RADIL: variants seen among roughly 807,000 people sequenced by gnomAD.
The protein encoded by RADIL is Rap associating with DIL domain.
RADIL carries 99 observed loss-of-function variants against 97.6 expected under a neutral mutation model. The ratio of observed to expected loss-of-function variants is 1.01; its 90% confidence interval spans 0.86 to 1.20. RADIL has a LOEUF of 1.20. Ranked by LOEUF, RADIL falls within the 50% of genes most tolerant of loss-of-function variation. The pLI is 0.00. For synonymous variants in RADIL, 803 were observed against 691.8 expected, an observed-to-expected ratio of 1.16 and a Z score of -2.52; for missense variants, 1,765 against 1,498.9, an observed-to-expected ratio of 1.18 and a Z score of -2.93.
At chr7:4,865,856 T>TA in intron 2 of RADIL, 1 of 694,180 alleles carries the variant, frequency 1.4e-6, no homozygotes. Context: ...TGTGTTGAGA[T>TA]ATGTTTAGAC....
Position 4,817,257 on chromosome 7 carries a change from G to T in RADIL, c.1710C>A (p.Cys570Ter), listed in dbSNP as rs771644110. The T allele has an allele frequency of 6.2e-7, 1 of 1,612,164 alleles. No individual in the cohort carries two copies. The highest frequency in any genetic ancestry group is 1.1e-5 in the South Asian group (1 of 90,986). The change falls in exon 7 of 15, where the codon TGC (cysteine) becomes TGA (stop). Residue 570 changes from cysteine (C) to a stop codon, truncating the protein, a stop_gained. Transcript: ENST00000399583. LOFTEE classifies it high-confidence loss of function. This position sits in a 1 kb window ranked among gnomAD's most constrained non-coding sequence, Gnocchi z 8.3. ...EEVVLYAFQQCVYYVSKSLYI... is the reference protein window; with the variant it reads ...EEVVLYAFQQ ...CGTGCACCTTGGAGACATAGTAGAC[G>T]CACTGCTGGAAGGCGTACAGCACCA...
At chr7:4,875,252 G>C (rs577643702) in intron 2 of RADIL, among the ~76,000 whole-genome samples, 1 of 134,654 alleles carries the variant, frequency 7.4e-6, no homozygotes, top group African/African-American at 3.9e-5. Flanking sequence ...TTAGCCGGGC[G>C]TGGTGGTGGT....
At chr7:4,850,471 G>A (rs774860214) in intron 2 of RADIL, among the ~76,000 whole-genome samples, 2 of 152,198 alleles carry the variant, frequency 1.3e-5, no homozygotes, top group Non-Finnish European at 2.9e-5. Flanking sequence ...GAGGTTATTT[G>A]CTGGGCCGAA....
chr7:4,818,047 G>A lies in RADIL; in HGVS notation c.1616-696C>T, dbSNP rs562838919. The stretch of plus-strand genomic sequence containing the variant: ...AAGGGGCCAGGACCCTGGGTGTTCC[G>A]CCTTTGGGCGCCTTCATTCTCTCCT... On this transcript the variant is annotated intron_variant, in intron 6 of 14. Transcript: ENST00000399583. This position sits in a 1 kb window ranked among gnomAD's most constrained non-coding sequence, Gnocchi z 7.1. 2.8e-4 allele frequency among the ~76,000 whole-genome samples: 42 copies of A among 152,342 alleles called. No individual in the cohort carries two copies. Among genetic ancestry groups the A allele is most frequent in the African/African-American group, 1.0e-3 (42 of 41,588 alleles).
chr7:4,823,122 G>T (rs1420635409), intron 5 of RADIL, among the ~76,000 whole-genome samples: 1 of 152,072 alleles, frequency 6.6e-6, no homozygotes, highest in African/African-American at 2.4e-5. Flanking sequence ...GGGGTAGCAG[G>T]CAAAGCATGA....
chr7:4,832,946 C>T (rs928139804), intron 4 of RADIL, among the ~76,000 whole-genome samples: 2 of 152,122 alleles, frequency 1.3e-5, no homozygotes, highest in African/African-American at 4.8e-5. Flanking sequence ...CAGCACCCAG[C>T]GGAGGCTTCG....
At chr7:4,865,809 A>AG (rs1170476481) in intron 2 of RADIL, 1 of 798,492 alleles carries the variant, frequency 1.3e-6, no homozygotes, top group Admixed American at 1.8e-5. Context: ...CCATGGCAGC[A>AG]GCGGAGGCAG....
chr7:4,807,797 T>TCCCCTTCCTCCTCCGTCTCCTCC, intron 9 of RADIL, among the ~76,000 whole-genome samples: 1 of 56,150 alleles, frequency 1.8e-5, no homozygotes, highest in African/African-American at 8.1e-5. Context: ...CCGTCTCCTC[T>TCCCCTTCCTCCTCCGTCTCCTCC]CCCTCCCTCT....
intron 2 of RADIL, among the ~76,000 whole-genome samples, chr7:4,875,263 G>A (rs1784349328): frequency 8.3e-6 from 1 of 120,064 alleles, no homozygotes; most frequent in Non-Finnish European, 1.6e-5. Flanking sequence ...TGGTGGTGGT[G>A]CATGCCGTAA....
intron 12 of RADIL, among the ~76,000 whole-genome samples, chr7:4,800,922 C>A (rs1179655192): frequency 2.0e-5 from 3 of 152,232 alleles, no homozygotes; most frequent in Non-Finnish European, 4.4e-5. Context: ...ACACTTCGCT[C>A]CTGCAAGGCA....
chr7:4,800,236 A>C lies in RADIL; in HGVS notation c.2917T>G (p.Tyr973Asp). The C allele has an allele frequency of 6.3e-7, 1 of 1,599,536 alleles. No individual in the cohort carries two copies. Among genetic ancestry groups the C allele is most frequent in the Non-Finnish European group, 8.5e-7 (1 of 1,174,578 alleles). The change falls in exon 13 of 15, where the codon TAC (tyrosine) becomes GAC (aspartate). Residue 973 changes from tyrosine to aspartate, a missense_variant. Coordinates refer to ENST00000399583, the MANE Select transcript of RADIL (RefSeq NM_018059.5). ...CGTTCCAGCTCCACCGTGAAGACGTAGCAGAAGTCCTCGGTGCTGGAGCTG... is the reference window on the plus strand; with the variant it reads ...CGTTCCAGCTCCACCGTGAAGACGTCGCAGAAGTCCTCGGTGCTGGAGCTG... ...SRSSSTEDFC[Y>D]VFTVELERGP...
intron 2 of RADIL, among the ~76,000 whole-genome samples, chr7:4,851,738 T>C (rs1783713847): frequency 6.6e-6 from 1 of 151,952 alleles, no homozygotes; most frequent in Middle Eastern, 3.2e-3. Context: ...GAGAGAGAAA[T>C]TAAAGAACTG....
rs1784430930 is a variant in RADIL at position 4,879,058 on chromosome 7, TC to T, written c.-64-856del. ...ACCCGTCCTGGCTTGAAGGAGATAC[TC>T]CCTGGGATGGCAGCACTGAGTGGCC... On this transcript the variant is annotated intron_variant, in intron 1 of 14. Coordinates refer to ENST00000399583, the MANE Select transcript of RADIL (RefSeq NM_018059.5). The surrounding 1 kb of genome is among the most constrained non-coding windows in gnomAD (Gnocchi z 4.1). Among the ~76,000 whole-genome samples the T allele has an allele frequency of 6.6e-6, 1 of 152,094 alleles. No individual in the cohort carries two copies. The highest frequency in any genetic ancestry group is 1.5e-5 in the Non-Finnish European group (1 of 68,032).
rs183061013 is a variant in RADIL at position 4,876,462 on chromosome 7, G to A, written c.535+1143C>T. Among the ~76,000 whole-genome samples the A allele has an allele frequency of 3.9e-3, 595 of 152,016 alleles. 5 individuals are homozygous for A. Among genetic ancestry groups the A allele is most frequent in the African/African-American group, 0.014 (570 of 41,438 alleles). ...ATTACAGGCGCCTGCCACCACGCCC[G>A]GCTAATTTTTGTATTTTTAGTAGAT... On this transcript the variant is annotated intron_variant, in intron 2 of 14. Transcript: ENST00000399583.
chr7:4,845,689 G>A (rs558808018), intron 2 of RADIL, among the ~76,000 whole-genome samples: 2 of 152,242 alleles, frequency 1.3e-5, no homozygotes, highest in Non-Finnish European at 2.9e-5. Context: ...ACATACTCTA[G>A]GGTATTATTT....
intron 4 of RADIL, among the ~76,000 whole-genome samples, chr7:4,833,081 C>A (rs1023372702): frequency 1.3e-5 from 2 of 152,102 alleles, no homozygotes; most frequent in African/African-American, 4.8e-5. Flanking sequence ...AGCATAGGGG[C>A]AGGGTGAGCC....
chr7:4,802,115 A>T, intron 11 of RADIL, 120 bp from the exon 12 acceptor site: 1 of 800,126 alleles, frequency 1.2e-6, no homozygotes. Context: ...TCAGCAAAGG[A>T]CTCCCGCAGC....
At position 4,879,109 on chromosome 7, in the gene RADIL, G is replaced by T. The variant is rs1784431887; in HGVS notation, c.-64-906C>A. On this transcript the variant is annotated intron_variant, in intron 1 of 14. Transcript: ENST00000399583. The surrounding 1 kb of genome is among the most constrained non-coding windows in gnomAD (Gnocchi z 4.1). ...CTCGCAAGCACGGCGGGCACAAAGGGCCCCTCTCGAGCCGGTGCAGGCATG... is the reference window on the plus strand; with the variant it reads ...CTCGCAAGCACGGCGGGCACAAAGGTCCCCTCTCGAGCCGGTGCAGGCATG... 6.6e-6 allele frequency among the ~76,000 whole-genome samples: 1 copy of T among 152,222 alleles called. No homozygotes were observed. Among genetic ancestry groups the T allele is most frequent in the Non-Finnish European group, 1.5e-5 (1 of 68,030 alleles).
At chr7:4,853,177 A>AC (rs1783749734) in intron 2 of RADIL, among the ~76,000 whole-genome samples, 1 of 151,536 alleles carries the variant, frequency 6.6e-6, no homozygotes, top group Admixed American at 6.6e-5. Flanking sequence ...TTCTAAGATG[A>AC]CCCCCAGTGA....
Sources: allele counts gnomAD v4.1 joint callset (sites outside exome capture counted in the v4.1 genomes callset), GRCh38; gene constraint gnomAD v4.1.1; non-coding constraint Gnocchi (gnomAD v3.1); transcripts MANE v1.5; gene names NCBI Gene and HGNC (gene_info 2026-07-23, HGNC 2026-07-21).